SDC3: variants seen among roughly 807,000 people sequenced by gnomAD.
SDC3 encodes syndecan-3.
A neutral mutation model predicts 24.4 loss-of-function variants in SDC3; 13 were observed. The ratio of observed to expected loss-of-function variants is 0.53; its 90% CI spans 0.35 to 0.85. The LOEUF (loss-of-function observed/expected upper bound fraction) is 0.85, where lower values mean the gene tolerates loss of function less well. Ranked by LOEUF, SDC3 falls within the 40% of genes least tolerant of loss-of-function variation. The pLI, the probability that SDC3 is intolerant of heterozygous loss-of-function variation, is 0.01. For synonymous variants in SDC3, 295 were observed against 260.9 expected (o/e 1.13, Z -1.26); for missense variants, 571 against 584.5 (o/e 0.98, Z 0.24).
intron 2 of SDC3, chr1:30,877,417 T>C: frequency 1.6e-6 from 1 of 609,240 alleles, no homozygotes; most frequent in South Asian, 2.0e-5. Flanking sequence ...CTTCCTTGAC[T>C]ATTCCTGCCC....
At chr1:30,898,426 CT>C (rs1367270357) in intron 1 of SDC3, among the ~76,000 whole-genome samples, 2 of 152,170 alleles carry the variant, frequency 1.3e-5, no homozygotes, top group East Asian at 3.9e-4. Context: ...GCTGAGCCCC[CT>C]GGGGGTCCCT....
At chr1:30,886,463 G>A (rs1639831132) in intron 1 of SDC3, among the ~76,000 whole-genome samples, 1 of 152,130 alleles carries the variant, frequency 6.6e-6, no homozygotes, top group Non-Finnish European at 1.5e-5. Context: ...TAAGGGAGAA[G>A]GCCCACCAAC....
In SDC3 at chr1:30,869,657, T is replaced by C. The variant is rs1359292016; in HGVS notation, c.*3554A>G. 5.0e-6 allele frequency: 2 copies of C among 398,476 alleles called. No individual in the cohort carries two copies. The highest frequency in any genetic ancestry group is 8.8e-5 in the Admixed American group (2 of 22,704). 24.7% of individuals were successfully genotyped at this position (398,476 alleles called of 1,614,324 possible). A position where few individuals can be genotyped will look rare whatever the true frequency, so the allele number is the denominator to read the frequency against. On this transcript the variant is annotated 3_prime_UTR_variant, in exon 5 of 5. Transcript: ENST00000339394. Reference sequence around the variant, plus strand: ...TCTTTTTTCCACTGTCTTTTTCTTTTGTTTTTCTTATTTAAGGTTTTGGCC... The same window carrying C: ...TCTTTTTTCCACTGTCTTTTTCTTTCGTTTTTCTTATTTAAGGTTTTGGCC...
Position 30,887,551 on chromosome 1 carries a change from C to T in SDC3, c.139-8811G>A, listed in dbSNP as rs540257613. 2.8e-4 allele frequency among the ~76,000 whole-genome samples: 43 copies of T among 152,150 alleles called. No homozygotes were observed. In the South Asian group the frequency reaches 5.2e-3, roughly 18 times the overall value. On this transcript the variant is annotated intron_variant, in intron 1 of 4. Transcript: ENST00000339394. Reference sequence around the variant, plus strand: ...TGAACCACCAAATCCACCCAAACGACGTCCCCACGTGCCCAGCTAGTCTGC... The same window carrying T: ...TGAACCACCAAATCCACCCAAACGATGTCCCCACGTGCCCAGCTAGTCTGC...
chr1:30,876,082 A>C (rs1639631889), intron 3 of SDC3, among the ~76,000 whole-genome samples: 1 of 152,230 alleles, frequency 6.6e-6, no homozygotes, highest in South Asian at 2.1e-4. Flanking sequence ...TGTTCTAAGC[A>C]CTGTGGATGT....
At chr1:30,891,786 G>A (rs1478602606) in intron 1 of SDC3, among the ~76,000 whole-genome samples, 1 of 151,116 alleles carries the variant, frequency 6.6e-6, no homozygotes, top group African/African-American at 2.4e-5. Context: ...CCGGGAGGTG[G>A]AGATTGCAGT....
intron 2 of SDC3, chr1:30,877,605 C>T (rs993163551): frequency 3.9e-6 from 1 of 259,148 alleles, no homozygotes; most frequent in African/African-American, 2.2e-5. Context: ...GGGCTTCCCC[C>T]AGAGGCAGAG....
intron 1 of SDC3, among the ~76,000 whole-genome samples, chr1:30,898,684 C>A (rs1409702518): frequency 2.0e-5 from 3 of 152,184 alleles, no homozygotes; most frequent in African/African-American, 7.2e-5. Context: ...CCCACCCAGG[C>A]CAGCCGTCCT....
At chr1:30,890,383 T>C (rs543944874) in intron 1 of SDC3, among the ~76,000 whole-genome samples, 12 of 152,292 alleles carry the variant, frequency 7.9e-5, no homozygotes, top group African/African-American at 2.9e-4. Context: ...GTGAAAGAAA[T>C]TGGCCACAAA....
At chr1:30,903,711 T>C (rs542256764) in intron 1 of SDC3, among the ~76,000 whole-genome samples, 1 of 152,186 alleles carries the variant, frequency 6.6e-6, no homozygotes, top group South Asian at 2.1e-4. Flanking sequence ...AGGCATTTAC[T>C]AAACAGTAGC....
intron 1 of SDC3, among the ~76,000 whole-genome samples, chr1:30,887,757 T>C (rs1639851542): frequency 6.6e-6 from 1 of 152,202 alleles, no homozygotes. Context: ...TCAGCCTCCA[T>C]CAGTCTTTGT....
intron 1 of SDC3, among the ~76,000 whole-genome samples, chr1:30,882,311 C>T (rs888836658): frequency 6.6e-6 from 1 of 152,196 alleles, no homozygotes; most frequent in African/African-American, 2.4e-5. Flanking sequence ...ATGCCCCCTG[C>T]TTCCATTTTT....
intron 1 of SDC3, among the ~76,000 whole-genome samples, chr1:30,881,978 C>T (rs1639751783): frequency 6.6e-6 from 1 of 151,948 alleles, no homozygotes; most frequent in South Asian, 2.1e-4. Flanking sequence ...TCCATGCCCA[C>T]CCAACATCCA....
At position 30,869,886 on chromosome 1, in the gene SDC3, C is replaced by T. The variant is rs561091559; in HGVS notation, c.*3325G>A. On this transcript the variant is annotated 3_prime_UTR_variant, in exon 5 of 5. Coordinates refer to ENST00000339394, the MANE Select transcript of SDC3 (RefSeq NM_014654.4). ...GAAAAATATTTACATGCATTTGCCA[C>T]GCTGAGGCCAGGGTCACTGTGGTGC... is the stretch of plus-strand genomic sequence containing the variant. 4.3e-5 allele frequency: 17 copies of T among 398,632 alleles called. No individual in the cohort carries two copies. The South Asian group carries it at 5.1e-4, about 12-fold the overall frequency. 24.7% of individuals were successfully genotyped at this position (398,632 alleles called of 1,614,324 possible). A position where few individuals can be genotyped will look rare whatever the true frequency, so the allele number is the denominator to read the frequency against.
At chr1:30,874,862 A>T (rs1457031373) in intron 3 of SDC3, among the ~76,000 whole-genome samples, 1 of 152,170 alleles carries the variant, frequency 6.6e-6, no homozygotes, top group Non-Finnish European at 1.5e-5. Context: ...TGTGTTTCTA[A>T]CCACTAACAC....
At chr1:30,883,936 G>A (rs1487100870) in intron 1 of SDC3, among the ~76,000 whole-genome samples, 1 of 152,178 alleles carries the variant, frequency 6.6e-6, no homozygotes, top group Non-Finnish European at 1.5e-5. Context: ...AGTCCTGTGA[G>A]AACTCAGTGC....
chr1:30,892,678 C>T (rs1639924439), intron 1 of SDC3, among the ~76,000 whole-genome samples: 1 of 152,194 alleles, frequency 6.6e-6, no homozygotes, highest in South Asian at 2.1e-4. Context: ...ACTCCCCCAA[C>T]ATTTACCATG....
chr1:30,877,439 A>T, intron 2 of SDC3: 1 of 597,450 alleles, frequency 1.7e-6, no homozygotes, highest in South Asian at 2.1e-5. Context: ...CCCAGCCTAC[A>T]GTTTCTATGA....
intron 1 of SDC3, among the ~76,000 whole-genome samples, chr1:30,896,987 G>A (rs1334874326): frequency 6.6e-6 from 1 of 152,144 alleles, no homozygotes; most frequent in East Asian, 1.9e-4. Context: ...AGGAGCGTGG[G>A]AAGGCAAAGG....
Sources: allele counts gnomAD v4.1 joint callset (sites outside exome capture counted in the v4.1 genomes callset), GRCh38; gene constraint gnomAD v4.1.1; transcripts MANE v1.5; gene names NCBI Gene and HGNC (gene_info 2026-07-23, HGNC 2026-07-21).